The following YIPF1 variants were observed in gnomAD, a reference collection of about 807,000 sequenced individuals.
YIPF1 encodes Yip1 domain family member 1.
A neutral mutation model predicts 37.0 loss-of-function variants in YIPF1; 22 were observed. The ratio of observed to expected loss-of-function variants is 0.59; its 90% CI spans 0.42 to 0.85. The LOEUF is 0.85. Ranked by LOEUF, YIPF1 falls within the 40% of genes least tolerant of loss-of-function variation. YIPF1 has a pLI of 0.00. For missense variants in YIPF1, 355 were observed against 373.1 expected (o/e 0.95, Z 0.40); for synonymous variants, 128 against 131.9 (o/e 0.97, Z 0.21).
chr1:53,878,877 G>A (rs938321066), intron 4 of YIPF1, among the ~76,000 whole-genome samples, 155 bp from the exon 5 acceptor site: 10 of 152,026 alleles, frequency 6.6e-5, no homozygotes, highest in Admixed American at 2.0e-4. Flanking sequence ...TAGCCAATTC[G>A]CAACTCTCAG....
At chr1:53,870,546 A>G (rs1190140822) in intron 7 of YIPF1, among the ~76,000 whole-genome samples, 5 of 152,154 alleles carry the variant, frequency 3.3e-5, no homozygotes, top group Admixed American at 3.3e-4. Context: ...TTTTCCACAT[A>G]GCTCTAGGTG....
At chr1:53,856,242 A>G (rs1010538462) in intron 10 of YIPF1, among the ~76,000 whole-genome samples, 3 of 152,222 alleles carry the variant, frequency 2.0e-5, no homozygotes, top group Admixed American at 6.5e-5. Flanking sequence ...ATCTGTGTAC[A>G]CCAGTCTGCT....
intron 4 of YIPF1, among the ~76,000 whole-genome samples, chr1:53,882,045 A>G (rs746174223): frequency 2.7e-4 from 41 of 152,206 alleles, no homozygotes; most frequent in Non-Finnish European, 5.4e-4. Context: ...AAGGAATGAG[A>G]TCATGTCCTT....
At chr1:53,873,815 G>T (rs1398264833) in intron 6 of YIPF1, among the ~76,000 whole-genome samples, 1 of 152,074 alleles carries the variant, frequency 6.6e-6, no homozygotes, top group African/African-American at 2.4e-5. Flanking sequence ...GCAACATGAT[G>T]AAACCCTTTC....
At chr1:53,879,746 C>G (rs1261456127) in intron 4 of YIPF1, among the ~76,000 whole-genome samples, 1 of 152,102 alleles carries the variant, frequency 6.6e-6, no homozygotes, top group Non-Finnish European at 1.5e-5. Context: ...AACGGATGGC[C>G]GATTAGAAGT....
At chr1:53,888,232 C>G (rs1039760387) in intron 3 of YIPF1, among the ~76,000 whole-genome samples, 1 of 151,968 alleles carries the variant, frequency 6.6e-6, no homozygotes, top group Non-Finnish European at 1.5e-5. Context: ...TCAAAAGAAA[C>G]AAACAAACAA....
chr1:53,853,065 A>G (rs1286115356), intron 10 of YIPF1, among the ~76,000 whole-genome samples: 7 of 152,130 alleles, frequency 4.6e-5, no homozygotes, highest in African/African-American at 1.7e-4. Flanking sequence ...GGAATCTACA[A>G]TCTACCTTGA....
At chr1:53,882,332 G>A (rs1046395176) in intron 4 of YIPF1, among the ~76,000 whole-genome samples, 10 of 151,966 alleles carry the variant, frequency 6.6e-5, no homozygotes, top group Non-Finnish European at 1.0e-4. Flanking sequence ...AATAAAAGTC[G>A]AAGAAAAAAC....
At chr1:53,853,312 C>T (rs1408742107) in intron 10 of YIPF1, among the ~76,000 whole-genome samples, 1 of 152,154 alleles carries the variant, frequency 6.6e-6, no homozygotes. Flanking sequence ...ACCTACTCTG[C>T]AGTCAGGGAC....
intron 4 of YIPF1, among the ~76,000 whole-genome samples, chr1:53,879,671 C>T (rs1244843671): frequency 6.6e-6 from 1 of 152,210 alleles, no homozygotes; most frequent in Non-Finnish European, 1.5e-5. Flanking sequence ...ACGGTGAACA[C>T]TGAGCTGCTT....
At chr1:53,857,721 C>T (rs1296175408) in intron 10 of YIPF1, among the ~76,000 whole-genome samples, 2 of 152,124 alleles carry the variant, frequency 1.3e-5, no homozygotes, top group African/African-American at 4.8e-5. Context: ...ATGGCTCACA[C>T]CTATAATCCC....
At chr1:53,886,840 G>A (rs898824152) in intron 3 of YIPF1, 5 of 151,970 alleles carry the variant, frequency 3.3e-5, no homozygotes, top group African/African-American at 1.2e-4. Context: ...CTCTAATGAG[G>A]AGAGATTTGA....
intron 3 of YIPF1, among the ~76,000 whole-genome samples, chr1:53,884,234 CAAA>C (rs3058236): frequency 9.6e-5 from 11 of 114,196 alleles, no homozygotes; most frequent in African/African-American, 1.3e-4. Flanking sequence ...GACTTTGTCT[CAAA>C]AAAAAAAAAA....
intron 6 of YIPF1, among the ~76,000 whole-genome samples, chr1:53,872,495 T>C (rs1650218962): frequency 6.6e-6 from 1 of 152,242 alleles, no homozygotes; most frequent in Admixed American, 6.5e-5. Flanking sequence ...CAAACCTCTT[T>C]CATTATTTGC....
chr1:53,857,719 C>G (rs1246078136), intron 10 of YIPF1, among the ~76,000 whole-genome samples: 1 of 152,176 alleles, frequency 6.6e-6, no homozygotes, highest in Non-Finnish European at 1.5e-5. Flanking sequence ...CGATGGCTCA[C>G]ACCTATAATC....
chr1:53,883,248 T>C lies in YIPF1; in HGVS notation c.60A>G (p.Thr20=). 5 of 1,584,446 alleles carry C rather than the reference T, an allele frequency of 3.2e-6. No homozygotes were observed. The highest frequency in any genetic ancestry group is 4.3e-6 in the Non-Finnish European group (5 of 1,168,290). Residue 20 remains threonine (T), a synonymous_variant, in exon 4 of 11, where the codon ACA becomes ACG. Transcript: ENST00000072644. Reference sequence around the variant, plus strand: ...TTACTGTGGTGGCATCTGGGTTTGCTGTCAGAGAAGTGGCTGCATTGCCAA... The same window carrying C: ...TTACTGTGGTGGCATCTGGGTTTGCCGTCAGAGAAGTGGCTGCATTGCCAA... ...EEFGNAATSL[T]ANPDATTVNI...
At chr1:53,866,082 G>T (rs1402745738) in intron 9 of YIPF1, 118 bp downstream of exon 9, 2 of 1,319,806 alleles carry the variant, frequency 1.5e-6, no homozygotes, top group East Asian at 2.6e-5. Flanking sequence ...TTATGGGTGT[G>T]AGCCAACATG....
intron 7 of YIPF1, among the ~76,000 whole-genome samples, chr1:53,870,750 G>T (rs1650165971): frequency 6.6e-6 from 1 of 152,052 alleles, no homozygotes; most frequent in Non-Finnish European, 1.5e-5. Context: ...GCTCACACCT[G>T]TAATCCTACC....
chr1:53,874,556 T>C (rs1650285541), intron 6 of YIPF1, among the ~76,000 whole-genome samples: 1 of 151,902 alleles, frequency 6.6e-6, no homozygotes, highest in Non-Finnish European at 1.5e-5. Flanking sequence ...CATTTGAGGT[T>C]AGGAGTTTGA....
Sources: gnomAD v4.1 joint callset for allele counts (sites outside exome capture counted in the v4.1 genomes callset) on GRCh38, gnomAD v4.1.1 for gene constraint, MANE v1.5 for transcripts, NCBI Gene and HGNC (gene_info 2026-07-23, HGNC 2026-07-21) for gene names.